EIF2AK4: variants seen among roughly 807,000 people sequenced by gnomAD.
The protein encoded by EIF2AK4 is eIF-2-alpha kinase GCN2.
Under a neutral mutation model 211.1 loss-of-function variants are expected in EIF2AK4, and 139 were observed. The ratio of observed to expected loss-of-function variants is 0.66; its 90% CI spans 0.57 to 0.76. The LOEUF is 0.76. Among genes scored for constraint, EIF2AK4 ranks in the 30% least tolerant of loss-of-function variants. The pLI is 0.00. For synonymous variants in EIF2AK4, 710 were observed against 751.3 expected, an observed-to-expected ratio of 0.94 and a Z score of 0.90; for missense variants, 1,664 against 2,043.8, an observed-to-expected ratio of 0.81 and a Z score of 3.58.
Position 39,961,846 on chromosome 15 carries a change from A to G in EIF2AK4, c.806A>G (p.Tyr269Cys), listed in dbSNP as rs1440598853. 6.2e-7 allele frequency: 1 copy of G among 1,614,042 alleles called. No homozygotes were observed. Residue 269 changes from tyrosine (Y) to cysteine (C), a missense_variant, in exon 7 of 39, where the codon TAT (tyrosine) becomes TGT (cysteine). By Grantham distance (194) the Tyr-to-Cys change is radical. This residue lies in a region of EIF2AK4 where 641 missense variants were observed against 729.6 expected (regional missense o/e 0.88). Coordinates refer to ENST00000263791, the MANE Select transcript of EIF2AK4 (RefSeq NM_001013703.4). ...EDSPGSCEIL[Y>C]FNMGSPDQLM... is the part of the protein sequence containing the mutation. ...TCTCCTGGCTCTTGTGAAATTCTGT[A>G]TTTCAATATGGGGAGTCCTGATCAG...
At chr15:39,983,669 C>A (rs1820124976) in intron 13 of EIF2AK4, among the ~76,000 whole-genome samples, 2 of 152,162 alleles carry the variant, frequency 1.3e-5, no homozygotes, top group South Asian at 4.2e-4. Context: ...CTCATACGCC[C>A]GACCTCAGGT....
intron 25 of EIF2AK4, 105 bp downstream of exon 25, chr15:40,008,300 G>A: frequency 9.7e-7 from 1 of 1,031,462 alleles, no homozygotes; most frequent in Non-Finnish European, 1.4e-6. Context: ...CTGTCCTGCA[G>A]ATGAATCACA....
chr15:39,966,225 T>G (rs2034541565), intron 8 of EIF2AK4, among the ~76,000 whole-genome samples: 1 of 152,164 alleles, frequency 6.6e-6, no homozygotes, highest in Admixed American at 6.5e-5. Context: ...ATCCCAGCAC[T>G]TTGGGAGGCC....
In EIF2AK4 at chr15:39,963,751, C is replaced by T. The variant is rs575820807; in HGVS notation, c.859+1852C>T. On this transcript the variant is annotated intron_variant, in intron 7 of 38. Coordinates refer to ENST00000263791, the MANE Select transcript of EIF2AK4 (RefSeq NM_001013703.4). ...TTGATAATGTATTTTCTCTTAGCCTCGTCTCAGTATATTCTTTTGTCCCTT... is the reference window on the plus strand; with the variant it reads ...TTGATAATGTATTTTCTCTTAGCCTTGTCTCAGTATATTCTTTTGTCCCTT... Among the ~76,000 whole-genome samples, 17 of 152,214 alleles carry T rather than the reference C, an allele frequency of 1.1e-4. No individual in the cohort carries two copies. In the East Asian group the frequency reaches 2.7e-3, roughly 24 times the overall value.
Position 40,017,217 on chromosome 15 carries a change from C to T in EIF2AK4, c.4040C>T (p.Ala1347Val). Reference protein sequence around the residue: ...RRQRAVPEILAAGGRYDLLIP... With the variant: ...RRQRAVPEILVAGGRYDLLIP... Reference sequence around the variant, plus strand: ...CAAAGGGCTGTACCTGAAATCCTCGCAGCTGGAGGCAGATATGACCTGCTG... The same window carrying T: ...CAAAGGGCTGTACCTGAAATCCTCGTAGCTGGAGGCAGATATGACCTGCTG... Residue 1347 changes from alanine (A) to valine (V), a missense_variant, in exon 29 of 39, where the codon GCA becomes GTA. Around this residue, in one of 7 missense-constraint regions of EIF2AK4, gnomAD observed 622 missense variants for 796.8 expected, o/e 0.78. Transcript: ENST00000263791. The T allele has an allele frequency of 6.2e-7, 1 of 1,613,668 alleles. No homozygotes were observed. Among genetic ancestry groups the T allele is most frequent in the Non-Finnish European group, 8.5e-7 (1 of 1,179,658 alleles).
chr15:39,950,670 G>A (rs182301718), intron 4 of EIF2AK4, among the ~76,000 whole-genome samples: 46 of 151,642 alleles, frequency 3.0e-4, no homozygotes, highest in African/African-American at 9.2e-4. Context: ...GCTACAAACC[G>A]TTTAGTTGCC....
At chr15:40,015,028 T>A (rs980914983) in intron 27 of EIF2AK4, among the ~76,000 whole-genome samples, 4 of 152,202 alleles carry the variant, frequency 2.6e-5, no homozygotes, top group Admixed American at 6.5e-5. Flanking sequence ...AACAAGTTCC[T>A]CATCTCCATC....
chr15:40,005,568 TTTTTG>T (rs1203024067), intron 23 of EIF2AK4, among the ~76,000 whole-genome samples: 5 of 151,782 alleles, frequency 3.3e-5, no homozygotes, highest in Middle Eastern at 3.4e-3. Flanking sequence ...TGCATGTACT[TTTTTG>T]TTTTATTTTT....
chr15:39,963,861 G>A (rs2034506286), intron 7 of EIF2AK4, among the ~76,000 whole-genome samples: 1 of 152,144 alleles, frequency 6.6e-6, no homozygotes, highest in African/African-American at 2.4e-5. Context: ...ACTATGAAAT[G>A]CCTGCCTAGT....
At chr15:40,028,193 C>T (rs1490102063) in intron 33 of EIF2AK4, among the ~76,000 whole-genome samples, 1 of 151,830 alleles carries the variant, frequency 6.6e-6, no homozygotes, top group Non-Finnish European at 1.5e-5. Context: ...CCTTCTTGGC[C>T]TCCTGAGTAG....
chr15:40,032,833 C>CT (rs754198570), intron 37 of EIF2AK4, 32 bp downstream of exon 37: 2 of 1,583,984 alleles, frequency 1.3e-6, no homozygotes, highest in South Asian at 2.3e-5. Flanking sequence ...GCACTGTGGC[C>CT]TTTAAGATCC....
chr15:40,011,068 T>G (rs576732259), intron 26 of EIF2AK4, among the ~76,000 whole-genome samples: 1 of 152,158 alleles, frequency 6.6e-6, no homozygotes, highest in South Asian at 2.1e-4. Context: ...TTAATTCTTT[T>G]GTCAGGGTTT....
intron 21 of EIF2AK4, among the ~76,000 whole-genome samples, chr15:40,001,633 C>CAAAAAA (rs11383908): frequency 4.2e-5 from 5 of 120,340 alleles, no homozygotes; most frequent in African/African-American, 6.4e-5. Context: ...GACCCCAACT[C>CAAAAAA]AAAAAAAAAA....
At chr15:39,985,777 G>A in intron 13 of EIF2AK4, 28 bp from the exon 14 acceptor site, 1 of 1,612,428 alleles carries the variant, frequency 6.2e-7, no homozygotes, top group Non-Finnish European at 8.5e-7. Context: ...CCTCCATTTT[G>A]AGTTATTGTG....
intron 29 of EIF2AK4, among the ~76,000 whole-genome samples, chr15:40,017,517 A>T (rs1481894697): frequency 7.6e-5 from 1 of 13,088 alleles, no homozygotes; most frequent in African/African-American, 3.3e-4. Flanking sequence ...ATATATATAT[A>T]TATATATATA....
chr15:39,938,669 G>T lies in EIF2AK4; in HGVS notation c.145-836G>T, dbSNP rs1417860655. ...GGCTTATGGGAGGAGACAGGGTTTGGAGTTAAGGCTGGGTTTGAATCCCAG... is the reference window on the plus strand; with the variant it reads ...GGCTTATGGGAGGAGACAGGGTTTGTAGTTAAGGCTGGGTTTGAATCCCAG... On this transcript the variant is annotated intron_variant, in intron 1 of 38. Transcript: ENST00000263791. 2.0e-5 allele frequency among the ~76,000 whole-genome samples: 3 copies of T among 152,204 alleles called. No individual in the cohort carries two copies. The East Asian group carries it at 5.8e-4, about 29-fold the overall frequency.
At chr15:39,975,437 C>G (rs1269682192) in intron 11 of EIF2AK4, 1 of 152,204 alleles carries the variant, frequency 6.6e-6, no homozygotes, top group Non-Finnish European at 1.5e-5. Context: ...GAATGATATT[C>G]TGTTTTGTGT....
In EIF2AK4 at chr15:39,992,360, T is replaced by C. The variant is rs575613213; in HGVS notation, c.2686+131T>C. ...TAATTGCTCCTTAAGTTAACAAAATTATGGAAACGTTTTAATCTTTTTTTC... is the reference window on the plus strand; with the variant it reads ...TAATTGCTCCTTAAGTTAACAAAATCATGGAAACGTTTTAATCTTTTTTTC... On this transcript the variant is annotated intron_variant, in intron 17 of 38. Transcript: ENST00000263791. The C allele has an allele frequency of 1.0e-4, 66 of 648,988 alleles. No homozygotes were observed. The African/African-American group carries it at 1.1e-3, about 11-fold the overall frequency. The allele number at this position is 648,988 out of a possible 1,614,324, so 40.2% of individuals were successfully genotyped here. A position where few individuals can be genotyped will look rare whatever the true frequency, so the allele number is the denominator to read the frequency against.
At chr15:40,006,043 G>C (rs149448411) in intron 23 of EIF2AK4, among the ~76,000 whole-genome samples, 1 of 151,996 alleles carries the variant, frequency 6.6e-6, no homozygotes, top group Non-Finnish European at 1.5e-5. Context: ...CTGAATGACC[G>C]TGCACATCAG....
Sources: gnomAD v4.1 joint callset for allele counts (sites outside exome capture counted in the v4.1 genomes callset) on GRCh38, gnomAD v4.1.1 for gene constraint, gnomAD v4.1.1 regional missense constraint, MANE v1.5 for transcripts, NCBI Gene and HGNC (gene_info 2026-07-23, HGNC 2026-07-21) for gene names.